Variants in CTNNA2 observed in about 807,000 individuals in gnomAD.
CTNNA2 encodes the protein catenin alpha 2.
In CTNNA2, 42 loss-of-function variants were observed where a neutral mutation model predicts 101.0. The ratio of observed to expected loss-of-function variants is 0.42; its 90% CI spans 0.32 to 0.54. CTNNA2 has a LOEUF of 0.54. Among genes scored for constraint, CTNNA2 ranks in the 20% least tolerant of loss-of-function variants. The probability of loss-of-function intolerance (pLI) is 0.14; values close to 1 mark genes in which losing one functional copy is unlikely to be tolerated. For missense variants in CTNNA2, 871 were observed against 1,223.1 expected (o/e 0.71, Z 4.29); for synonymous variants, 450 against 456.4 (o/e 0.99, Z 0.18).
chr2:79,755,323 CA>C (rs1276241157), intron 3 of CTNNA2, among the ~76,000 whole-genome samples: 1 of 152,076 alleles, frequency 6.6e-6, no homozygotes, highest in Non-Finnish European at 1.5e-5. Flanking sequence ...AAAGCAAGAG[CA>C]AATGATACAG....
At chr2:80,060,117 C>A (rs151154999) in intron 7 of CTNNA2, among the ~76,000 whole-genome samples, 5 of 152,294 alleles carry the variant, frequency 3.3e-5, no homozygotes, top group African/African-American at 9.6e-5. Context: ...GGCTTCCAGT[C>A]AGAGCACAGT....
At chr2:80,207,457 A>T (rs1707602394) in intron 7 of CTNNA2, among the ~76,000 whole-genome samples, 1 of 152,224 alleles carries the variant, frequency 6.6e-6, no homozygotes, top group Non-Finnish European at 1.5e-5. Flanking sequence ...GAGAGGTGAA[A>T]TGGAGGCAGA....
In CTNNA2 at chr2:79,777,327, A is replaced by ATGTG. The variant is rs67347678; in HGVS notation, c.298+32791_298+32794dup. ...TCTTAGCCCATACCAAACACTTGTT[A>ATGTG]TGTGTGTGTGTGTGTGTGTGTGTGT... On this transcript the variant is annotated intron_variant, in intron 3 of 18. Transcript: ENST00000402739. Among the ~76,000 whole-genome samples the ATGTG allele has an allele frequency of 4.2e-3, 587 of 139,670 alleles. 2 individuals are homozygous for ATGTG. Among genetic ancestry groups the ATGTG allele is most frequent in the East Asian group, 0.02 (93 of 4,686 alleles). 91.6% of individuals were successfully genotyped at this position (139,670 alleles called of 152,430 possible).
intron 7 of CTNNA2, among the ~76,000 whole-genome samples, chr2:80,033,972 TAAAA>T (rs70940069): frequency 2.4e-5 from 2 of 84,246 alleles, no homozygotes; most frequent in African/African-American, 1.0e-4. Flanking sequence ...GCTTATAATG[TAAAA>T]AAAAAAAAAA....
intron 4 of CTNNA2, among the ~76,000 whole-genome samples, chr2:79,394,300 T>C (rs924732154): frequency 3.3e-5 from 5 of 152,228 alleles, no homozygotes; most frequent in African/African-American, 7.2e-5. Context: ...GAACTGCTCC[T>C]GGCAGCACAG....
intron 1 of CTNNA2, among the ~76,000 whole-genome samples, chr2:79,527,248 A>G (rs1004160852): frequency 1.7e-4 from 26 of 152,072 alleles, no homozygotes; most frequent in African/African-American, 6.3e-4. Context: ...AATGGCAAAT[A>G]AGCACACGAA....
At chr2:79,438,476 G>GT (rs889056991) in intron 4 of CTNNA2, among the ~76,000 whole-genome samples, 4 of 152,146 alleles carry the variant, frequency 2.6e-5, no homozygotes, top group Admixed American at 6.6e-5. Flanking sequence ...CTAGATGAGG[G>GT]TTTTTTAATG....
intron 2 of CTNNA2, among the ~76,000 whole-genome samples, chr2:79,235,108 A>G (rs1437375851): frequency 1.3e-5 from 2 of 152,074 alleles, no homozygotes; most frequent in African/African-American, 4.8e-5. Context: ...TGGCTTATGG[A>G]GTTTCCAGAA....
Position 79,871,726 on chromosome 2 carries a change from C to G in CTNNA2, c.585+1791C>G, listed in dbSNP as rs79147052. On this transcript the variant is annotated intron_variant, in intron 5 of 18. Transcript: ENST00000402739. The stretch of plus-strand genomic sequence containing the variant: ...ATGCTTCATCAGCCTTCTAGATACC[C>G]CTCAATCCAGTCAAGTTGACACCTA... Among the ~76,000 whole-genome samples, 889 of 152,248 alleles carry G rather than the reference C, an allele frequency of 5.8e-3. 25 individuals carry two copies. Among genetic ancestry groups the G allele is most frequent in the East Asian group, 0.042 (219 of 5,166 alleles).
intron 4 of CTNNA2, among the ~76,000 whole-genome samples, chr2:79,867,226 C>G (rs77532466): frequency 0.018 from 2,772 of 152,232 alleles, 82 homozygotes; most frequent in African/African-American, 0.062. Flanking sequence ...TGTTCAAAAT[C>G]CTTGACTGTT....
In CTNNA2 at chr2:80,082,795, T is replaced by C. The variant is rs137947096; in HGVS notation, c.1056+172998T>C. 3.2e-3 allele frequency among the ~76,000 whole-genome samples: 490 copies of C among 152,274 alleles called. 3 individuals are homozygous for C. Among genetic ancestry groups the C allele is most frequent in the Middle Eastern group, 0.01 (3 of 292 alleles). On this transcript the variant is annotated intron_variant, in intron 7 of 18. Coordinates refer to ENST00000402739, the MANE Select transcript of CTNNA2 (RefSeq NM_001282597.3). ...ATAGCTTTAAATCACTTTTAAGCAA[T>C]GGAGTTTCCACTGTGTCACCTGGGA...
chr2:80,389,629 C>T (rs1677323331), intron 7 of CTNNA2, among the ~76,000 whole-genome samples: 1 of 152,138 alleles, frequency 6.6e-6, no homozygotes, highest in African/African-American at 2.4e-5. Context: ...TAATGGCTTC[C>T]AAGTTCCCAT....
intron 2 of CTNNA2, among the ~76,000 whole-genome samples, chr2:79,680,309 T>TAA (rs1293527246): frequency 6.6e-6 from 1 of 152,120 alleles, no homozygotes; most frequent in African/African-American, 2.4e-5. Flanking sequence ...ACTTGAATGT[T>TAA]ATTTTTAGTT....
chr2:80,397,708 A>T (rs546853978), intron 8 of CTNNA2, among the ~76,000 whole-genome samples: 2 of 152,248 alleles, frequency 1.3e-5, no homozygotes, highest in Admixed American at 6.5e-5. Flanking sequence ...TAAATTACCC[A>T]GTCTCAGGTA....
intron 7 of CTNNA2, among the ~76,000 whole-genome samples, chr2:80,342,709 A>G (rs1299281177): frequency 6.6e-6 from 1 of 152,152 alleles, no homozygotes; most frequent in Non-Finnish European, 1.5e-5. Context: ...TTTTGTTTGC[A>G]TGTTTTTTGT....
chr2:79,366,778 T>C (rs1373644888), intron 3 of CTNNA2, among the ~76,000 whole-genome samples: 1 of 152,210 alleles, frequency 6.6e-6, no homozygotes, highest in Non-Finnish European at 1.5e-5. Context: ...CTAACATCCA[T>C]TCCTGTGAGG....
intron 1 of CTNNA2, among the ~76,000 whole-genome samples, chr2:79,594,233 AT>A (rs796489205): frequency 6.6e-6 from 1 of 151,370 alleles, no homozygotes; most frequent in Non-Finnish European, 1.5e-5. Context: ...ATTTCCTAGG[AT>A]TTTTTTCTAA....
chr2:79,332,254 G>A (rs991114329), intron 3 of CTNNA2, among the ~76,000 whole-genome samples: 1 of 150,354 alleles, frequency 6.7e-6, no homozygotes, highest in Non-Finnish European at 1.5e-5. Flanking sequence ...ACTAGGAAGA[G>A]TATATTTTAA....
chr2:80,337,852 G>A (rs1037972966), intron 7 of CTNNA2, among the ~76,000 whole-genome samples: 17 of 152,156 alleles, frequency 1.1e-4, no homozygotes, highest in South Asian at 2.1e-4. Context: ...TATAGTAAGC[G>A]AATTGACCCC....
Sources: allele counts gnomAD v4.1 joint callset (sites outside exome capture counted in the v4.1 genomes callset), GRCh38; gene constraint gnomAD v4.1.1; transcripts MANE v1.5; gene names NCBI Gene and HGNC (gene_info 2026-07-23, HGNC 2026-07-21).